DARS1: variants seen among roughly 807,000 people sequenced by gnomAD.
The protein encoded by DARS1 is aspartate--tRNA ligase, cytoplasmic.
Under a neutral mutation model 68.8 loss-of-function variants are expected in DARS1, and 51 were observed. That is an observed-to-expected ratio of 0.74 (90% CI 0.59 to 0.94). The LOEUF (loss-of-function observed/expected upper bound fraction) is 0.94. Ranked by LOEUF, DARS1 falls within the 40% of genes least tolerant of loss-of-function variation. DARS1 has a pLI of 0.00. For synonymous variants in DARS1, 203 were observed against 190.4 expected (o/e 1.07, Z -0.55); for missense variants, 607 against 597.3 (o/e 1.02, Z -0.17).
chr2:135,911,711 C>T (rs1015464261), intron 13 of DARS1: 55 of 409,846 alleles, frequency 1.3e-4, no homozygotes, highest in Non-Finnish European at 2.3e-4. Flanking sequence ...CCCCCAATAA[C>T]AAATCAGAGC....
At chr2:135,948,234 G>A (rs908238978) in intron 4 of DARS1, among the ~76,000 whole-genome samples, 5 of 152,168 alleles carry the variant, frequency 3.3e-5, no homozygotes, top group African/African-American at 9.7e-5. Flanking sequence ...ACTGTTCAAG[G>A]AGTTGCAATA....
intron 3 of DARS1, among the ~76,000 whole-genome samples, chr2:135,973,042 A>G (rs1326351587): frequency 6.6e-6 from 1 of 152,226 alleles, no homozygotes; most frequent in Non-Finnish European, 1.5e-5. Context: ...AAATAGAGTT[A>G]CCACATGATC....
chr2:135,914,156 T>G (rs930282402), intron 12 of DARS1, among the ~76,000 whole-genome samples: 10 of 152,170 alleles, frequency 6.6e-5, no homozygotes, highest in South Asian at 6.2e-4. Flanking sequence ...GAAGACCATT[T>G]CTAAATAATT....
chr2:135,912,907 T>A (rs935628613), intron 12 of DARS1, among the ~76,000 whole-genome samples: 2 of 152,036 alleles, frequency 1.3e-5, no homozygotes, highest in Non-Finnish European at 2.9e-5. Context: ...AAATTTTTTG[T>A]AGAGATGGAA....
At chr2:135,976,353 CATAA>C (rs1682497224) in intron 3 of DARS1, among the ~76,000 whole-genome samples, 1 of 152,056 alleles carries the variant, frequency 6.6e-6, no homozygotes, top group African/African-American at 2.4e-5. Context: ...CCCCAATACC[CATAA>C]ATAATTTATT....
chr2:135,912,803 A>T (rs1422019247), intron 12 of DARS1, among the ~76,000 whole-genome samples: 6 of 148,424 alleles, frequency 4.0e-5, no homozygotes, highest in Admixed American at 1.3e-4. Flanking sequence ...TAGTTTTTAA[A>T]TTTTTTTTTT....
At chr2:135,971,135 C>T (rs975541080) in intron 3 of DARS1, among the ~76,000 whole-genome samples, 3 of 151,932 alleles carry the variant, frequency 2.0e-5, no homozygotes, top group African/African-American at 7.3e-5. Context: ...AAAGATAGAT[C>T]AGAAAAAGAA....
At chr2:135,932,433 T>A (rs527543471) in intron 7 of DARS1, among the ~76,000 whole-genome samples, 1 of 152,326 alleles carries the variant, frequency 6.6e-6, no homozygotes, top group South Asian at 2.1e-4. Flanking sequence ...CAAATGTGCA[T>A]GTAATTTTTT....
At chr2:135,923,487 A>C (rs1409517994) in intron 8 of DARS1, among the ~76,000 whole-genome samples, 3 of 151,968 alleles carry the variant, frequency 2.0e-5, no homozygotes, top group Non-Finnish European at 4.4e-5. Flanking sequence ...ACGGGGTTTC[A>C]TCATTTTGGC....
rs149341059 is a variant in DARS1 at position 135,963,475 on chromosome 2, G to A, written c.218-1977C>T. ...CAACCTCCGCCCCCCGGGTTCAAGC[G>A]ATTCTCCTGCCTCAGCCTCTTGTGT... is the stretch of plus-strand genomic sequence containing the variant. On this transcript the variant is annotated intron_variant, in intron 3 of 15. Coordinates refer to ENST00000264161, the MANE Select transcript of DARS1 (RefSeq NM_001349.4). Among the ~76,000 whole-genome samples, 1,107 of 149,056 alleles carry A rather than the reference G, an allele frequency of 7.4e-3. 13 individuals carry two copies. The highest frequency in any genetic ancestry group is 0.026 in the African/African-American group (1,054 of 40,418).
chr2:135,929,823 T>C (rs1162185379), intron 7 of DARS1, among the ~76,000 whole-genome samples: 1 of 152,230 alleles, frequency 6.6e-6, no homozygotes, highest in Non-Finnish European at 1.5e-5. Context: ...GCTTTGTTAA[T>C]AGAAAGTTTC....
intron 7 of DARS1, among the ~76,000 whole-genome samples, 197 bp from the exon 8 acceptor site, chr2:135,924,695 A>AT (rs1681177678): frequency 1.3e-5 from 2 of 152,342 alleles, no homozygotes; most frequent in South Asian, 4.1e-4. Context: ...ATATATGATC[A>AT]TATAAAGGAA....
chr2:135,925,521 G>T (rs1269710961), intron 7 of DARS1, among the ~76,000 whole-genome samples: 2 of 152,106 alleles, frequency 1.3e-5, no homozygotes, highest in South Asian at 2.1e-4. Context: ...TCACTCTAAA[G>T]AATGATATTT....
At chr2:135,917,807 T>C (rs938364776) in intron 10 of DARS1, among the ~76,000 whole-genome samples, 2 of 152,174 alleles carry the variant, frequency 1.3e-5, no homozygotes, top group African/African-American at 4.8e-5. Context: ...TAAAACACTA[T>C]CATTTCTTGA....
intron 10 of DARS1, among the ~76,000 whole-genome samples, chr2:135,918,633 C>T (rs1681052337): frequency 6.6e-6 from 1 of 152,116 alleles, no homozygotes; most frequent in African/African-American, 2.4e-5. Flanking sequence ...TTTGATTAAT[C>T]CCAAGGACTC....
At chr2:135,973,741 G>T (rs931946725) in intron 3 of DARS1, among the ~76,000 whole-genome samples, 15 of 152,032 alleles carry the variant, frequency 9.9e-5, no homozygotes, top group African/African-American at 3.6e-4. Context: ...GTGGTGACAT[G>T]TGCCTGTAGT....
At chr2:135,973,113 T>C (rs1467311432) in intron 3 of DARS1, among the ~76,000 whole-genome samples, 1 of 152,192 alleles carries the variant, frequency 6.6e-6, no homozygotes, top group African/African-American at 2.4e-5. Flanking sequence ...CGAAGAGATA[T>C]CTGCACTCTC....
intron 7 of DARS1, among the ~76,000 whole-genome samples, chr2:135,930,871 T>C (rs1044391752): frequency 1.3e-5 from 2 of 152,226 alleles, no homozygotes; most frequent in African/African-American, 2.4e-5. Flanking sequence ...AACAACCTGC[T>C]AACCTATGAG....
intron 10 of DARS1, among the ~76,000 whole-genome samples, 197 bp downstream of exon 10, chr2:135,920,256 C>T (rs975280950): frequency 1.3e-5 from 2 of 152,130 alleles, no homozygotes; most frequent in African/African-American, 4.8e-5. Context: ...TTAGTTGAGC[C>T]CCCAAATGAT....
Sources: allele counts gnomAD v4.1 joint callset (sites outside exome capture counted in the v4.1 genomes callset), GRCh38; gene constraint gnomAD v4.1.1; transcripts MANE v1.5; gene names NCBI Gene and HGNC (gene_info 2026-07-23, HGNC 2026-07-21).